The following DYRK4 variants were observed in gnomAD, a reference collection of about 807,000 sequenced individuals.
The protein encoded by DYRK4 is dual specificity tyrosine phosphorylation regulated kinase 4.
Under a neutral mutation model 68.3 loss-of-function variants are expected in DYRK4, and 64 were observed. The observed-to-expected ratio is 0.94, with a 90% confidence interval of 0.77 to 1.15. The LOEUF (loss-of-function observed/expected upper bound fraction) is 1.15, where lower values mean the gene tolerates loss of function less well. Among genes scored for constraint, DYRK4 ranks in the 50% most tolerant of loss-of-function variants. DYRK4 has a pLI of 0.00. For missense variants in DYRK4, 740 were observed against 764.7 expected (o/e 0.97, Z 0.38); for synonymous variants, 274 against 289.9 (o/e 0.95, Z 0.56).
At chr12:4,611,581 G>GT (rs1565544497) in intron 13 of DYRK4, among the ~76,000 whole-genome samples, 1 of 152,132 alleles carries the variant, frequency 6.6e-6, no homozygotes, top group Admixed American at 6.5e-5. Context: ...CTTTGTAGGC[G>GT]AACTCCAGAA....
At chr12:4,593,634 T>C (rs981828642) in intron 6 of DYRK4, among the ~76,000 whole-genome samples, 6 of 152,232 alleles carry the variant, frequency 3.9e-5, no homozygotes, top group Non-Finnish European at 7.3e-5. Flanking sequence ...AATTTCATTC[T>C]GTTTTTTAAA....
intron 2 of DYRK4, among the ~76,000 whole-genome samples, chr12:4,574,367 GT>G (rs1944765282): frequency 6.6e-6 from 1 of 151,404 alleles, no homozygotes; most frequent in South Asian, 2.1e-4. Flanking sequence ...TTCTTTATCT[GT>G]TTCTAAACCT....
intron 8 of DYRK4, chr12:4,596,944 G>A (rs1422853332): frequency 1.4e-6 from 2 of 1,407,294 alleles, no homozygotes; most frequent in Non-Finnish European, 1.8e-6. Flanking sequence ...TACCCATGAT[G>A]TACTTCCCTG....
At chr12:4,597,802 G>A (rs1221288289) in intron 8 of DYRK4, among the ~76,000 whole-genome samples, 1 of 152,172 alleles carries the variant, frequency 6.6e-6, no homozygotes, top group African/African-American at 2.4e-5. Flanking sequence ...CACTTTGGGA[G>A]GCCGAGGTGG....
chr12:4,596,997 C>G (rs537740009), intron 8 of DYRK4: 5 of 1,300,192 alleles, frequency 3.8e-6, no homozygotes, highest in South Asian at 1.8e-5. Flanking sequence ...AACAAGGCCT[C>G]TTTCCTTAAG....
chr12:4,585,601 G>A (rs922317815), intron 2 of DYRK4, among the ~76,000 whole-genome samples: 1 of 152,102 alleles, frequency 6.6e-6, no homozygotes, highest in South Asian at 2.1e-4. Context: ...ACACAGGAAG[G>A]GGAACATCAC....
At chr12:4,574,170 C>T (rs931994330) in intron 2 of DYRK4, among the ~76,000 whole-genome samples, 1 of 148,020 alleles carries the variant, frequency 6.8e-6, no homozygotes, top group Non-Finnish European at 1.5e-5. Context: ...GGTTGCAGTG[C>T]GCCGAGATCG....
At chr12:4,603,043 G>A (rs560878279) in intron 10 of DYRK4, 2 of 1,023,628 alleles carry the variant, frequency 2.0e-6, no homozygotes, top group South Asian at 1.5e-5. Context: ...TCTCCATAAT[G>A]TATCACCTTA....
chr12:4,602,493 T>C (rs557546908), intron 10 of DYRK4: 8 of 1,311,356 alleles, frequency 6.1e-6, no homozygotes, highest in Non-Finnish European at 8.8e-6. Flanking sequence ...GCAGCAGAGC[T>C]TGGACAAGTC....
At chr12:4,595,016 T>C (rs1390372068) in intron 6 of DYRK4, among the ~76,000 whole-genome samples, 1 of 152,236 alleles carries the variant, frequency 6.6e-6, no homozygotes, top group Non-Finnish European at 1.5e-5. Context: ...AATGTCAAAG[T>C]TGACTTGCGA....
At chr12:4,569,790 C>T (rs1944712604) in intron 2 of DYRK4, among the ~76,000 whole-genome samples, 1 of 152,058 alleles carries the variant, frequency 6.6e-6, no homozygotes, top group Non-Finnish European at 1.5e-5. Context: ...CTCTCTTCCA[C>T]GCCTCTCTGT....
rs1433168708 is a variant in DYRK4 at position 4,612,775 on chromosome 12, A to T, written c.1666+57A>T. On this transcript the variant is annotated intron_variant, in intron 14 of 14. Transcript: ENST00000543431. ...CACAGTCCGGGAATTAATATTCTAG[A>T]ATTCTGTAAATCTCCTTGTGATATT... The T allele has an allele frequency of 2.5e-6, 4 of 1,573,954 alleles. No individual in the cohort carries two copies. The Admixed American group carries it at 5.0e-5, about 20-fold the overall frequency.
intron 8 of DYRK4, among the ~76,000 whole-genome samples, chr12:4,598,714 C>T (rs1278782235): frequency 6.6e-6 from 1 of 152,194 alleles, no homozygotes; most frequent in African/African-American, 2.4e-5. Flanking sequence ...TGGTTCCCTC[C>T]CAAGGGCCTG....
chr12:4,571,105 G>A (rs954350119), intron 2 of DYRK4, among the ~76,000 whole-genome samples: 2 of 152,170 alleles, frequency 1.3e-5, no homozygotes, highest in Non-Finnish European at 2.9e-5. Flanking sequence ...TCTGGGACTC[G>A]AGGAGCTAGC....
intron 1 of DYRK4, 41 bp from the exon 2 acceptor site, chr12:4,567,914 G>A: frequency 6.7e-7 from 1 of 1,501,812 alleles, no homozygotes; most frequent in South Asian, 1.2e-5. Context: ...ACTTAGATTT[G>A]ACTCCTCCTG....
intron 1 of DYRK4, chr12:4,563,106 C>G (rs1313788486): frequency 2.2e-6 from 1 of 456,080 alleles, no homozygotes; most frequent in Non-Finnish European, 4.4e-6. Context: ...TGGAAAAGTT[C>G]AAACCGTGGA....
chr12:4,602,436 G>A (rs1011142608), intron 10 of DYRK4: 1 of 1,076,282 alleles, frequency 9.3e-7, no homozygotes, highest in East Asian at 2.4e-5. Context: ...GATATGTGCA[G>A]ACTGTCCTGA....
intron 2 of DYRK4, among the ~76,000 whole-genome samples, chr12:4,569,759 C>G (rs1944712392): frequency 6.6e-6 from 1 of 152,090 alleles, no homozygotes; most frequent in Non-Finnish European, 1.5e-5. Flanking sequence ...CCACACCCGA[C>G]CAAATCCGTA....
intron 2 of DYRK4, among the ~76,000 whole-genome samples, chr12:4,568,279 G>A (rs540674753): frequency 2.6e-5 from 4 of 152,188 alleles, no homozygotes; most frequent in Admixed American, 6.5e-5. Flanking sequence ...GAAGGCCCTG[G>A]GTGAGTGCAT....
Sources: gnomAD v4.1 joint callset for allele counts (sites outside exome capture counted in the v4.1 genomes callset) on GRCh38, gnomAD v4.1.1 for gene constraint, MANE v1.5 for transcripts, NCBI Gene and HGNC (gene_info 2026-07-23, HGNC 2026-07-21) for gene names.